The following ADK variants were observed in gnomAD, a reference collection of about 807,000 sequenced individuals.
ADK encodes adenosine kinase, also known as N6,N6-dimethyladenosine kinase.
A neutral mutation model predicts 44.7 loss-of-function variants in ADK; 24 were observed. That is an observed-to-expected ratio of 0.54 (90% CI 0.39 to 0.76). The LOEUF is 0.76. Among genes scored for constraint, ADK ranks in the 30% least tolerant of loss-of-function variants. ADK has a pLI of 0.00. For missense variants in ADK, 321 were observed against 425.1 expected (o/e 0.76, Z 2.15); for synonymous variants, 128 against 142.6 (o/e 0.90, Z 0.73).
chr10:74,517,374 G>A (rs1385215642), intron 6 of ADK, among the ~76,000 whole-genome samples: 1 of 151,976 alleles, frequency 6.6e-6, no homozygotes, highest in African/African-American at 2.4e-5. Context: ...ACCTGAAGTT[G>A]GGAGTATTTT....
chr10:74,553,797 C>T lies in ADK; in HGVS notation c.726+28371C>T, dbSNP rs566859673. 3.3e-5 allele frequency among the ~76,000 whole-genome samples: 5 copies of T among 152,210 alleles called. No individual in the cohort carries two copies. In the East Asian group the frequency reaches 9.7e-4, roughly 29 times the overall value. On this transcript the variant is annotated intron_variant, in intron 7 of 10. Transcript: ENST00000539909. ...TTTGGATAACCATTTAAGATCCGTA[C>T]ATCGTATTTTATGTGATCATACCTC...
At chr10:74,493,333 C>A (rs921071498) in intron 6 of ADK, among the ~76,000 whole-genome samples, 4 of 151,330 alleles carry the variant, frequency 2.6e-5, no homozygotes, top group Admixed American at 2.6e-4. Context: ...CAGGTGTGCA[C>A]CAACACACCC....
chr10:74,335,399 G>C (rs183324386), intron 4 of ADK, among the ~76,000 whole-genome samples: 2 of 152,044 alleles, frequency 1.3e-5, no homozygotes, highest in African/African-American at 2.4e-5. Context: ...TTCAGTTGAC[G>C]TAAGTTCATC....
At chr10:74,656,015 G>T in intron 9 of ADK, 2 of 620,388 alleles carry the variant, frequency 3.2e-6, no homozygotes, top group Non-Finnish European at 3.0e-6. Context: ...TCCTGCAGGA[G>T]CTGGTGTCTG....
chr10:74,697,487 A>T (rs1856249807), intron 10 of ADK, among the ~76,000 whole-genome samples: 1 of 152,188 alleles, frequency 6.6e-6, no homozygotes, highest in Admixed American at 6.5e-5. Context: ...AACAAAAAAA[A>T]CTTTATTCCT....
At chr10:74,328,896 G>A (rs1841112854) in intron 4 of ADK, among the ~76,000 whole-genome samples, 1 of 151,676 alleles carries the variant, frequency 6.6e-6, no homozygotes, top group African/African-American at 2.4e-5. Context: ...GGTACAATGA[G>A]ACACCATCCT....
At chr10:74,532,829 T>A (rs1196591180) in intron 7 of ADK, among the ~76,000 whole-genome samples, 1 of 142,852 alleles carries the variant, frequency 7.0e-6, no homozygotes, top group African/African-American at 2.6e-5. Context: ...GAGGCTGACC[T>A]GAGGCAGGAG....
chr10:74,271,148 C>T (rs1335455270), intron 3 of ADK, among the ~76,000 whole-genome samples: 2 of 152,048 alleles, frequency 1.3e-5, no homozygotes, highest in Non-Finnish European at 2.9e-5. Context: ...GAGAATTTTT[C>T]TTAGTATAAC....
intron 4 of ADK, among the ~76,000 whole-genome samples, chr10:74,319,369 C>T (rs956595233): frequency 6.6e-6 from 1 of 152,168 alleles, no homozygotes; most frequent in African/African-American, 2.4e-5. Flanking sequence ...CGCTTCTTAG[C>T]CTGCAGATGG....
At chr10:74,438,569 A>T (rs1293054655) in intron 6 of ADK, among the ~76,000 whole-genome samples, 1 of 152,112 alleles carries the variant, frequency 6.6e-6, no homozygotes, top group African/African-American at 2.4e-5. Context: ...GGCAACCAGC[A>T]TAGTGCCTGG....
chr10:74,583,970 T>C (rs1361236338), intron 7 of ADK, among the ~76,000 whole-genome samples: 1 of 152,192 alleles, frequency 6.6e-6, no homozygotes, highest in Non-Finnish European at 1.5e-5. Flanking sequence ...CATTGCAACT[T>C]ATTTCTCCTA....
At chr10:74,565,378 G>GC (rs1850621594) in intron 7 of ADK, among the ~76,000 whole-genome samples, 1 of 152,108 alleles carries the variant, frequency 6.6e-6, no homozygotes, top group Non-Finnish European at 1.5e-5. Flanking sequence ...CAAGATTGCT[G>GC]CCTATGATAC....
chr10:74,247,872 C>A (rs1845485725), intron 3 of ADK, among the ~76,000 whole-genome samples: 1 of 152,012 alleles, frequency 6.6e-6, no homozygotes, highest in Non-Finnish European at 1.5e-5. Context: ...TTACAAGCTT[C>A]CCTGGGCATT....
chr10:74,504,904 T>G (rs756457434), intron 6 of ADK, among the ~76,000 whole-genome samples: 8 of 152,190 alleles, frequency 5.3e-5, no homozygotes, highest in Non-Finnish European at 8.8e-5. Flanking sequence ...TTAAACCTCT[T>G]TTCTTTATAA....
intron 7 of ADK, among the ~76,000 whole-genome samples, chr10:74,571,159 G>A: frequency 6.6e-6 from 1 of 152,100 alleles, no homozygotes; most frequent in East Asian, 1.9e-4. Flanking sequence ...TGGTGGATAA[G>A]CTTTTTGATG....
chr10:74,401,425 G>A (rs1365574716), intron 6 of ADK, among the ~76,000 whole-genome samples: 1 of 152,124 alleles, frequency 6.6e-6, no homozygotes, highest in Non-Finnish European at 1.5e-5. Flanking sequence ...GGGTGCTCCT[G>A]TATTGGGTGC....
At chr10:74,232,538 AC>A (rs1564608613) in intron 3 of ADK, among the ~76,000 whole-genome samples, 1 of 46,804 alleles carries the variant, frequency 2.1e-5, no homozygotes. Context: ...CAAACAAACA[AC>A]CCCCCCGCAC....
chr10:74,316,465 T>A (rs1840623406), intron 4 of ADK, among the ~76,000 whole-genome samples: 1 of 152,142 alleles, frequency 6.6e-6, no homozygotes, highest in Non-Finnish European at 1.5e-5. Context: ...GCAGTTTCCT[T>A]CATGCTATTC....
At chr10:74,400,417 A>G (rs1413166170) in intron 6 of ADK, among the ~76,000 whole-genome samples, 1 of 152,196 alleles carries the variant, frequency 6.6e-6, no homozygotes, top group Admixed American at 6.5e-5. Flanking sequence ...ACATTCAACA[A>G]ATATTTACTT....
Sources: gnomAD v4.1 joint callset for allele counts (sites outside exome capture counted in the v4.1 genomes callset) on GRCh38, gnomAD v4.1.1 for gene constraint, MANE v1.5 for transcripts, NCBI Gene and HGNC (gene_info 2026-07-23, HGNC 2026-07-21) for gene names.